The following MTSS2 variants were observed in gnomAD, a reference collection of about 807,000 sequenced individuals.
MTSS2 encodes the protein MTSS I-BAR domain containing 2, also known as protein MTSS 2.
In MTSS2, 27 loss-of-function variants were observed where a neutral mutation model predicts 67.1. The observed-to-expected ratio is 0.40, with a 90% CI of 0.30 to 0.55. MTSS2 has a LOEUF of 0.55. Among genes scored for constraint, MTSS2 ranks in the 20% least tolerant of loss-of-function variants. The pLI is 0.43. For missense variants in MTSS2, 1,171 were observed against 1,067.8 expected (o/e 1.10, Z -1.35); for synonymous variants, 624 against 468.6 (o/e 1.33, Z -4.28).
chr16:70,672,375 A>G (rs969039834), intron 11 of MTSS2, among the ~76,000 whole-genome samples: 15 of 151,132 alleles, frequency 9.9e-5, no homozygotes, highest in African/African-American at 3.6e-4. Flanking sequence ...AAAAGAGAAA[A>G]ACCCGGGAAC....
At chr16:70,671,629 C>A (rs932991995) in intron 11 of MTSS2, among the ~76,000 whole-genome samples, 13 of 152,054 alleles carry the variant, frequency 8.5e-5, no homozygotes, top group Non-Finnish European at 1.5e-4. Flanking sequence ...TCAGTGGATG[C>A]CAAAATTAGA....
In MTSS2 at chr16:70,664,204, T is replaced by C; in HGVS notation, c.1717A>G (p.Thr573Ala). The C allele has an allele frequency of 1.3e-6, 2 of 1,592,020 alleles. No individual in the cohort carries two copies. Among genetic ancestry groups the C allele is most frequent in the Non-Finnish European group, 1.7e-6 (2 of 1,173,610 alleles). ...GCGCTGGACAGGGCGCGGCGCACGG[T>C]GGGCTTGGTGGAGGGTGTGCGGCGG... ...TIRRTPSTKP[T>A]VRRALSSAGP... is the part of the protein sequence containing the mutation. Residue 573 changes from threonine to alanine, a missense_variant, in exon 15 of 15, where the codon ACC becomes GCC. By Grantham distance (58) the Thr-to-Ala change is moderately conservative. This residue lies in a region of MTSS2 where 924 missense variants were observed against 756.0 expected (regional missense o/e 1.22). Coordinates refer to ENST00000338779, the MANE Select transcript of MTSS2 (RefSeq NM_138383.3).
intron 10 of MTSS2, among the ~76,000 whole-genome samples, chr16:70,675,152 G>A (rs930656200): frequency 4.6e-5 from 7 of 151,420 alleles, no homozygotes; most frequent in Non-Finnish European, 1.0e-4. Context: ...CTGTCTGGGC[G>A]TGGTGGCTCA....
chr16:70,676,538 C>T (rs2053120969), intron 10 of MTSS2, among the ~76,000 whole-genome samples: 1 of 152,208 alleles, frequency 6.6e-6, no homozygotes, highest in African/African-American at 2.4e-5. Flanking sequence ...TCAGTTTCCC[C>T]TTCTGTAAAA....
intron 1 of MTSS2, 95 bp downstream of exon 1, chr16:70,685,628 G>T: frequency 1.4e-6 from 1 of 700,034 alleles, no homozygotes; most frequent in Non-Finnish European, 1.8e-6. Flanking sequence ...ACACCGCGGC[G>T]CGCGGCCACA....
At chr16:70,666,773 A>T (rs759207633) in intron 11 of MTSS2, among the ~76,000 whole-genome samples, 2 of 152,254 alleles carry the variant, frequency 1.3e-5, no homozygotes, top group Non-Finnish European at 2.9e-5. Flanking sequence ...AAAAAGTTCA[A>T]CACTTGCTCA....
At chr16:70,679,069 C>G (rs1211047699) in intron 7 of MTSS2, among the ~76,000 whole-genome samples, 1 of 152,190 alleles carries the variant, frequency 6.6e-6, no homozygotes, top group Non-Finnish European at 1.5e-5. Context: ...CTGTGGCCCC[C>G]ATCCCGCCCT....
chr16:70,680,699 G>T, intron 3 of MTSS2, 95 bp downstream of exon 3: 1 of 1,130,794 alleles, frequency 8.8e-7, no homozygotes, highest in Non-Finnish European at 1.3e-6. Context: ...TGGGCTTGGC[G>T]TCCCGTCCTT....
chr16:70,685,846 G>C lies in MTSS2; in HGVS notation c.-55C>G, dbSNP rs2053442070. On this transcript the variant is annotated 5_prime_UTR_variant, in exon 1 of 15. Transcript: ENST00000338779. ...CTAGGCGCACGGAGCGCGGGGAGCAGCGCAAGGGAGGGGGCCAGGCCGCGC... is the reference window on the plus strand; with the variant it reads ...CTAGGCGCACGGAGCGCGGGGAGCACCGCAAGGGAGGGGGCCAGGCCGCGC... 6 of 1,090,688 alleles carry C rather than the reference G, an allele frequency of 5.5e-6. No homozygotes were observed. The South Asian group carries it at 1.6e-4, about 29-fold the overall frequency. The allele number at this position is 1,090,688 out of a possible 1,614,324, so 67.6% of individuals were successfully genotyped here. A position where few individuals can be genotyped will look rare whatever the true frequency, so the allele number is the denominator to read the frequency against.
At chr16:70,683,659 C>T (rs1363743535) in intron 1 of MTSS2, among the ~76,000 whole-genome samples, 1 of 152,236 alleles carries the variant, frequency 6.6e-6, no homozygotes, top group Non-Finnish European at 1.5e-5. Context: ...CCCGCTCAGC[C>T]CAAGGTCAGG....
intron 10 of MTSS2, among the ~76,000 whole-genome samples, chr16:70,675,430 C>CCCACCCAA (rs2053086378): frequency 6.6e-6 from 1 of 152,120 alleles, no homozygotes. Flanking sequence ...CTCACAATGA[C>CCCACCCAA]AACAAAACCC....
At chr16:70,679,225 GAGGTT>G in intron 7 of MTSS2, 85 bp downstream of exon 7, 1 of 1,499,132 alleles carries the variant, frequency 6.7e-7, no homozygotes, top group Non-Finnish European at 9.3e-7. Context: ...TTGGCCTGGA[GAGGTT>G]CCTTCCAATG....
chr16:70,665,276 G>A (rs578017187), intron 12 of MTSS2, 180 bp from the exon 13 acceptor site: 102 of 924,956 alleles, frequency 1.1e-4, no homozygotes, highest in Non-Finnish European at 1.2e-4. Context: ...CCAGGCCCAG[G>A]GGTAAGATGT....
chr16:70,661,648 G>A lies in MTSS2; in HGVS notation c.*2029C>T. ...AAGTCGACGCAAGGGCGGCGGGGGT[G>A]GTCTCAGGGATGGACAAGGGGATGG... On this transcript the variant is annotated 3_prime_UTR_variant, in exon 15 of 15. Transcript: ENST00000338779. The A allele has an allele frequency of 8.9e-6, 3 of 337,148 alleles. No individual in the cohort carries two copies. The highest frequency in any genetic ancestry group is 7.0e-5 in the South Asian group (3 of 42,854). 20.9% of individuals were successfully genotyped at this position (337,148 alleles called of 1,614,324 possible).
intron 11 of MTSS2, among the ~76,000 whole-genome samples, chr16:70,672,296 G>A (rs916256415): frequency 1.5e-4 from 21 of 143,822 alleles, no homozygotes; most frequent in Admixed American, 9.4e-4. Context: ...GCAGTGAGCC[G>A]AGATTGCCCC....
Position 70,662,673 on chromosome 16 carries a change from T to A in MTSS2, c.*1004A>T, listed in dbSNP as rs1274602144. The A allele has an allele frequency of 6.6e-6, 1 of 152,362 alleles. No individual in the cohort carries two copies. The highest frequency in any genetic ancestry group is 2.4e-5 in the African/African-American group (1 of 41,258). The allele number at this position is 152,362 out of a possible 1,614,324, so 9.4% of individuals were successfully genotyped here. A position where few individuals can be genotyped will look rare whatever the true frequency, so the allele number is the denominator to read the frequency against. On this transcript the variant is annotated 3_prime_UTR_variant, in exon 15 of 15. Coordinates refer to ENST00000338779, the MANE Select transcript of MTSS2 (RefSeq NM_138383.3). ...CCATAGGACCACCGGGGGGTCCCTG[T>A]CCCCCAGGCACTCCCAGACACACAC... is the stretch of plus-strand genomic sequence containing the variant.
In MTSS2 at chr16:70,676,993, G is replaced by C. The variant is rs769240357; in HGVS notation, c.733-15C>G. On this transcript the variant is annotated splice_polypyrimidine_tract_variant and intron_variant, in intron 9 of 14. Transcript: ENST00000338779. Reference sequence around the variant, plus strand: ...TCTTTGATTACCTGGACAGGGACATGGATGGGGGTCACTGGAGGCAGCTCC... The same window carrying C: ...TCTTTGATTACCTGGACAGGGACATCGATGGGGGTCACTGGAGGCAGCTCC... The C allele has an allele frequency of 6.2e-7, 1 of 1,606,118 alleles. No homozygotes were observed. Among genetic ancestry groups the C allele is most frequent in the Non-Finnish European group, 8.5e-7 (1 of 1,173,736 alleles).
rs915771019 is a variant in MTSS2 at position 70,681,043 on chromosome 16, G to A, written c.70-18C>T. 1.9e-6 allele frequency: 3 copies of A among 1,603,248 alleles called. No homozygotes were observed. Among genetic ancestry groups the A allele is most frequent in the Non-Finnish European group, 1.7e-6 (2 of 1,176,030 alleles). On this transcript the variant is annotated intron_variant, in intron 1 of 14. Transcript: ENST00000338779. The stretch of plus-strand genomic sequence containing the variant: ...TAGGAGCTCTGCCGGGCAAATGGGA[G>A]AGAAAGTGAGCTTCTTGTGGGGTGG...
intron 1 of MTSS2, among the ~76,000 whole-genome samples, chr16:70,682,470 G>A (rs933262433): frequency 1.3e-5 from 2 of 151,998 alleles, no homozygotes; most frequent in Non-Finnish European, 2.9e-5. Context: ...GTGGAGGGGG[G>A]TCCAGAGCCA....
Sources: gnomAD v4.1 joint callset for allele counts (sites outside exome capture counted in the v4.1 genomes callset) on GRCh38, gnomAD v4.1.1 for gene constraint, gnomAD v4.1.1 regional missense constraint, MANE v1.5 for transcripts, NCBI Gene and HGNC (gene_info 2026-07-23, HGNC 2026-07-21) for gene names.